The following SCFD2 variants were observed in gnomAD, a reference collection of about 807,000 sequenced individuals.
The protein encoded by SCFD2 is sec1 family domain-containing protein 2.
Under a neutral mutation model 58.9 loss-of-function variants are expected in SCFD2, and 54 were observed. The ratio of observed to expected loss-of-function variants is 0.92; its 90% confidence interval spans 0.74 to 1.15. The LOEUF is 1.15. Ranked by LOEUF, SCFD2 falls within the 50% of genes most tolerant of loss-of-function variation. The probability of loss-of-function intolerance (pLI) is 0.00; values close to 1 mark genes in which losing one functional copy is unlikely to be tolerated. For synonymous variants in SCFD2, 321 were observed against 335.9 expected (o/e 0.96, Z 0.49); for missense variants, 805 against 836.6 (o/e 0.96, Z 0.47).
At chr4:53,054,228 G>T (rs1723261788) in intron 5 of SCFD2, among the ~76,000 whole-genome samples, 1 of 152,176 alleles carries the variant, frequency 6.6e-6, no homozygotes, top group Non-Finnish European at 1.5e-5. Flanking sequence ...GTAACCTGCA[G>T]TTCCATCCAT....
At chr4:53,230,149 T>C (rs1289602850) in intron 4 of SCFD2, among the ~76,000 whole-genome samples, 1 of 152,024 alleles carries the variant, frequency 6.6e-6, no homozygotes, top group African/African-American at 2.4e-5. Flanking sequence ...TGTGGAGAAA[T>C]AGGAACACTT....
chr4:53,299,721 G>A (rs993364365), intron 3 of SCFD2, among the ~76,000 whole-genome samples: 2 of 152,280 alleles, frequency 1.3e-5, no homozygotes, highest in African/African-American at 4.8e-5. Flanking sequence ...CCCACAAAGG[G>A]AAGCCCATCA....
At chr4:53,250,739 A>G (rs554289747) in intron 4 of SCFD2, among the ~76,000 whole-genome samples, 3 of 152,364 alleles carry the variant, frequency 2.0e-5, no homozygotes, top group East Asian at 1.9e-4. Context: ...GGACACATTC[A>G]AAGCAGTGTG....
intron 6 of SCFD2, among the ~76,000 whole-genome samples, chr4:52,908,304 C>G (rs773477403): frequency 6.6e-6 from 1 of 152,204 alleles, no homozygotes; most frequent in East Asian, 1.9e-4. Flanking sequence ...GAGCCAGCCG[C>G]CTTATTGACC....
At chr4:53,301,612 T>G (rs1182491581) in intron 3 of SCFD2, among the ~76,000 whole-genome samples, 1 of 152,194 alleles carries the variant, frequency 6.6e-6, no homozygotes, top group Non-Finnish European at 1.5e-5. Context: ...GAGGCCAGCA[T>G]CATCCTAATA....
chr4:53,108,923 G>T (rs4864721), intron 5 of SCFD2, among the ~76,000 whole-genome samples: 93,293 of 151,964 alleles, frequency 0.61, 29,620 homozygotes, highest in Non-Finnish European at 0.7. Context: ...AAAAAGAAAA[G>T]TTCAGGCCAA....
chr4:53,336,955 T>C (rs748675102), intron 2 of SCFD2, among the ~76,000 whole-genome samples: 1 of 152,202 alleles, frequency 6.6e-6, no homozygotes, highest in African/African-American at 2.4e-5. Context: ...CTCAGTATCA[T>C]TAGCCATGAG....
chr4:53,313,765 T>G lies in SCFD2; in HGVS notation c.1008-2A>C, dbSNP rs1350562927. Reference sequence around the variant, plus strand: ...CATAGGGCTTTGGCTGTGGTGTCACTGCAGGAAAATCACAAAAAGAGCTTT... The same window carrying G: ...CATAGGGCTTTGGCTGTGGTGTCACGGCAGGAAAATCACAAAAAGAGCTTT... On this transcript the variant is annotated splice_acceptor_variant, in intron 2 of 8. Transcript: ENST00000401642. LOFTEE classifies it high-confidence loss of function. 6.2e-7 allele frequency: 1 copy of G among 1,613,744 alleles called. No homozygotes were observed. Among genetic ancestry groups the G allele is most frequent in the African/African-American group, 1.3e-5 (1 of 74,900 alleles).
chr4:53,032,398 C>G (rs1722636810), intron 5 of SCFD2, among the ~76,000 whole-genome samples: 1 of 152,064 alleles, frequency 6.6e-6, no homozygotes, highest in Non-Finnish European at 1.5e-5. Flanking sequence ...ACAAAATAAC[C>G]AGCTAGCATC....
At chr4:53,061,083 A>T (rs1723495452) in intron 5 of SCFD2, among the ~76,000 whole-genome samples, 1 of 152,194 alleles carries the variant, frequency 6.6e-6, no homozygotes, top group Non-Finnish European at 1.5e-5. Flanking sequence ...ATAGAAATAT[A>T]ACTCTTTAAA....
At chr4:53,233,860 C>A (rs1729514567) in intron 4 of SCFD2, among the ~76,000 whole-genome samples, 1 of 151,550 alleles carries the variant, frequency 6.6e-6, no homozygotes, top group African/African-American at 2.4e-5. Context: ...TCATGAGTGT[C>A]CAATTAAAAG....
At chr4:53,084,673 C>T (rs1279842034) in intron 5 of SCFD2, among the ~76,000 whole-genome samples, 1 of 152,088 alleles carries the variant, frequency 6.6e-6, no homozygotes, top group African/African-American at 2.4e-5. Flanking sequence ...GTTCGGGGTC[C>T]CTGACTTCCC....
At chr4:52,934,030 G>T (rs141896868) in intron 5 of SCFD2, among the ~76,000 whole-genome samples, 45 of 152,264 alleles carry the variant, frequency 3.0e-4, no homozygotes, top group African/African-American at 9.6e-4. Flanking sequence ...GGAATTTCCA[G>T]TCTTCAGAAC....
intron 4 of SCFD2, among the ~76,000 whole-genome samples, chr4:53,214,265 CCCA>C (rs1369375309): frequency 6.6e-6 from 1 of 152,096 alleles, no homozygotes; most frequent in Non-Finnish European, 1.5e-5. Flanking sequence ...AGTTTACAAT[CCCA>C]CCAACAGTGT....
At chr4:52,949,917 A>G (rs112002917) in intron 5 of SCFD2, 88 of 152,314 alleles carry the variant, frequency 5.8e-4, no homozygotes, top group African/African-American at 2.0e-3. Context: ...TAGCCATGTG[A>G]AGCCTGGCTT....
intron 7 of SCFD2, among the ~76,000 whole-genome samples, chr4:52,898,036 T>C (rs1327910697): frequency 2.6e-5 from 4 of 152,356 alleles, no homozygotes; most frequent in Middle Eastern, 3.4e-3. Flanking sequence ...TCTATTTGAT[T>C]CTTCTCTCTT....
In SCFD2 at chr4:53,365,434, T is replaced by C. The variant is rs1293786654; in HGVS notation, c.508A>G (p.Thr170Ala). The change falls in exon 1 of 9, where the codon ACT becomes GCT. Residue 170 changes from threonine to alanine, a missense_variant. Thr to Ala is a moderately conservative substitution (Grantham distance 58). This residue lies in a region of SCFD2 where 633 missense variants were observed against 646.8 expected (regional missense o/e 0.98). Transcript: ENST00000401642. This position sits in a 1 kb window ranked among gnomAD's most constrained non-coding sequence, Gnocchi z 4.3. ...GGGAAAAGGGATGCAAAAGCTGGAG[T>C]CAAGGCAAAGTGGGGAGCAACAGGG... ...LAPVAPHFAL[T>A]PAFASLFPLL... 2 of 1,613,606 alleles carry C rather than the reference T, an allele frequency of 1.2e-6. No individual in the cohort carries two copies. The highest frequency in any genetic ancestry group is 1.7e-5 in the Admixed American group (1 of 59,940).
At chr4:53,243,260 A>G (rs996724954) in intron 4 of SCFD2, among the ~76,000 whole-genome samples, 2 of 152,198 alleles carry the variant, frequency 1.3e-5, no homozygotes, top group Non-Finnish European at 2.9e-5. Flanking sequence ...AGGGAAGCCC[A>G]TCATACTAAC....
intron 4 of SCFD2, among the ~76,000 whole-genome samples, chr4:53,242,536 A>G (rs921585281): frequency 1.3e-5 from 2 of 152,188 alleles, no homozygotes; most frequent in African/African-American, 2.4e-5. Context: ...ATGAGAAAGA[A>G]CCAGTGCAAG....
Sources: allele counts gnomAD v4.1 joint callset (sites outside exome capture counted in the v4.1 genomes callset), GRCh38; gene constraint gnomAD v4.1.1; regional missense constraint gnomAD v4.1.1; non-coding constraint Gnocchi (gnomAD v3.1); transcripts MANE v1.5; gene names NCBI Gene and HGNC (gene_info 2026-07-23, HGNC 2026-07-21).